The following RB1 variants were observed in gnomAD, a reference collection of about 807,000 sequenced individuals.
RB1 encodes the protein RB transcriptional corepressor 1, also known as retinoblastoma-associated protein.
Under a neutral mutation model 135.4 loss-of-function variants are expected in RB1, and 18 were observed. The observed-to-expected ratio is 0.13, with a 90% CI of 0.09 to 0.20. The LOEUF (loss-of-function observed/expected upper bound fraction) is 0.20, where lower values mean the gene tolerates loss of function less well. Ranked by LOEUF, RB1 falls within the 10% of genes least tolerant of loss-of-function variation. The probability of loss-of-function intolerance (pLI) is 1.00; values close to 1 mark genes in which losing one functional copy is unlikely to be tolerated. For synonymous variants in RB1, 365 were observed against 373.2 expected, an observed-to-expected ratio of 0.98 and a Z score of 0.25; for missense variants, 868 against 1,110.0, an observed-to-expected ratio of 0.78 and a Z score of 3.10.
intron 8 of RB1, 98 bp from the exon 9 acceptor site, chr13:48,364,796 G>A: frequency 1.5e-6 from 2 of 1,352,944 alleles, no homozygotes; most frequent in South Asian, 1.5e-5. Context: ...ACTGCATGGG[G>A]GATTGACACC....
At chr13:48,307,520 A>T (rs1952092225) in intron 2 of RB1, 114 bp downstream of exon 2, 3 of 1,137,658 alleles carry the variant, frequency 2.6e-6, no homozygotes, top group Non-Finnish European at 3.8e-6. Context: ...AAAGCTAATA[A>T]TAATTCCATT....
At chr13:48,372,696 C>T (rs1021737591) in intron 11 of RB1, among the ~76,000 whole-genome samples, 1 of 151,682 alleles carries the variant, frequency 6.6e-6, no homozygotes, top group African/African-American at 2.4e-5. Context: ...AGTGTAAATA[C>T]TGGTTTAGAC....
intron 11 of RB1, among the ~76,000 whole-genome samples, chr13:48,372,607 CGCCACTGCACTCCA>C (rs1566196130): frequency 6.6e-6 from 1 of 151,200 alleles, no homozygotes; most frequent in Non-Finnish European, 1.5e-5. Flanking sequence ...GCCAAGATTG[CGCCACTGCACTCCA>C]GCCTGGGCGA....
chr13:48,411,312 T>G, intron 17 of RB1: 1 of 1,191,134 alleles, frequency 8.4e-7, no homozygotes, highest in Non-Finnish European at 1.2e-6. Flanking sequence ...GGTGGAAAAA[T>G]AGTTTGTCCA....
chr13:48,330,084 C>CATTT (rs923987885), intron 2 of RB1, among the ~76,000 whole-genome samples: 2 of 150,078 alleles, frequency 1.3e-5, no homozygotes, highest in African/African-American at 4.9e-5. Flanking sequence ...AACCAATAGT[C>CATTT]AAATAAGAAA....
intron 17 of RB1, among the ~76,000 whole-genome samples, chr13:48,414,215 T>G (rs1948868430): frequency 6.6e-6 from 1 of 151,898 alleles, no homozygotes; most frequent in Non-Finnish European, 1.5e-5. Context: ...AGGGCAATAG[T>G]GCGTGCCTGT....
rs184977744 is a variant in RB1, at chr13:48,319,647, T to C, written c.264+12241T>C. The C allele has an allele frequency of 6.0e-3, 1,547 of 258,636 alleles. 10 individuals are homozygous for C. The highest frequency in any genetic ancestry group is 0.01 in the Middle Eastern group (13 of 1,278). 16.0% of individuals were successfully genotyped at this position (258,636 alleles called of 1,614,324 possible). A position where few individuals can be genotyped will look rare whatever the true frequency, so the allele number is the denominator to read the frequency against. On this transcript the variant is annotated intron_variant, in intron 2 of 26. Coordinates refer to ENST00000267163, the MANE Select transcript of RB1 (RefSeq NM_000321.3). The surrounding 1 kb of genome is among the most constrained non-coding windows in gnomAD (Gnocchi z 5.0). ...AAAGGCGAACTCTTTATGGGCGCCC[T>C]TCAGACCCTGCCGATGCGCCACCTT...
chr13:48,311,866 C>T (rs1261448445), intron 2 of RB1, among the ~76,000 whole-genome samples: 5 of 152,102 alleles, frequency 3.3e-5, no homozygotes, highest in Admixed American at 6.5e-5. Context: ...CCACCACACC[C>T]GGCTAATTTT....
Position 48,353,727 on chromosome 13 carries a change from TTAGA to T in RB1, c.607+4710_607+4713del, listed in dbSNP as rs1367023889. On this transcript the variant is annotated intron_variant, in intron 6 of 26. Transcript: ENST00000267163. ...CTAGCAAACTGAATTCAATAATACA[TTAGA>T]TAGATCATTCATTATGTCGCAGTGG... 2.6e-5 allele frequency among the ~76,000 whole-genome samples: 4 copies of T among 152,208 alleles called. No homozygotes were observed. The South Asian group carries it at 6.2e-4, about 24-fold the overall frequency.
chr13:48,419,738 C>A (rs1314374118), intron 17 of RB1, among the ~76,000 whole-genome samples: 1 of 152,156 alleles, frequency 6.6e-6, no homozygotes, highest in Non-Finnish European at 1.5e-5. Flanking sequence ...TACAAACTAC[C>A]ATCAGAGAAT....
rs1179685157 is a variant in RB1 at position 48,476,853 on chromosome 13, A to G, written c.2663+10A>G. On this transcript the variant is annotated intron_variant, in intron 25 of 26. Transcript: ENST00000267163. ...ATGAAGCAGATGGAAGGTAGGAACC[A>G]GTTTTGAATGTTTTCCAGTAGCCGA... The G allele has an allele frequency of 1.9e-6, 3 of 1,613,100 alleles. No individual in the cohort carries two copies. The highest frequency in any genetic ancestry group is 2.5e-6 in the Non-Finnish European group (3 of 1,179,356).
intron 23 of RB1, among the ~76,000 whole-genome samples, chr13:48,471,939 G>T (rs1018812532): frequency 7.2e-5 from 11 of 152,180 alleles, no homozygotes; most frequent in African/African-American, 2.7e-4. Flanking sequence ...TACTTCACAA[G>T]GGTGCTGTGG....
intron 2 of RB1, among the ~76,000 whole-genome samples, chr13:48,342,209 C>T (rs1039352857): frequency 3.3e-5 from 5 of 150,720 alleles, no homozygotes; most frequent in African/African-American, 9.7e-5. Context: ...AAAGAATAAG[C>T]GAATAAGAAC....
intron 13 of RB1, among the ~76,000 whole-genome samples, chr13:48,377,319 G>T (rs985335437): frequency 1.3e-5 from 2 of 152,078 alleles, no homozygotes; most frequent in Non-Finnish European, 2.9e-5. Flanking sequence ...TTAAATTTTT[G>T]ATTTTGCTTT....
intron 17 of RB1, among the ~76,000 whole-genome samples, chr13:48,420,794 C>T (rs1484666045): frequency 6.6e-6 from 1 of 152,038 alleles, no homozygotes; most frequent in African/African-American, 2.4e-5. Context: ...ACAAATGCTA[C>T]AAAGAGAATA....
chr13:48,347,716 GT>G, intron 4 of RB1, 108 bp from the exon 5 acceptor site: 1 of 745,758 alleles, frequency 1.3e-6, no homozygotes, highest in Non-Finnish European at 2.2e-6. Flanking sequence ...TATATTTTTT[GT>G]TTTTAAAATA....
intron 23 of RB1, among the ~76,000 whole-genome samples, chr13:48,466,182 T>C (rs1280352939): frequency 1.3e-4 from 16 of 126,394 alleles, no homozygotes; most frequent in African/African-American, 4.6e-4. Flanking sequence ...AAGAGAGCAG[T>C]GGTTCTCCCA....
At chr13:48,412,374 T>TA (rs1361008924) in intron 17 of RB1, 9 of 1,614,024 alleles carry the variant, frequency 5.6e-6, no homozygotes, top group Non-Finnish European at 5.9e-6. Flanking sequence ...ATACAAAGTG[T>TA]ACTTAAAGGA....
intron 2 of RB1, chr13:48,316,718 ATCACACACACACACAC>A (rs1952186347): frequency 8.9e-6 from 1 of 112,044 alleles, no homozygotes; most frequent in African/African-American, 4.0e-5. Flanking sequence ...CCACAGAACC[ATCACACACACACACAC>A]ACACACACAC....
Sources: allele counts gnomAD v4.1 joint callset (sites outside exome capture counted in the v4.1 genomes callset), GRCh38; gene constraint gnomAD v4.1.1; non-coding constraint Gnocchi (gnomAD v3.1); transcripts MANE v1.5; gene names NCBI Gene and HGNC (gene_info 2026-07-23, HGNC 2026-07-21).